The following NRIP3 variants were observed in gnomAD, a reference collection of about 807,000 sequenced individuals.
NRIP3 encodes nuclear receptor interacting protein 3.
A neutral mutation model predicts 29.0 loss-of-function variants in NRIP3; 31 were observed. The ratio of observed to expected loss-of-function variants is 1.07; its 90% confidence interval spans 0.80 to 1.44. NRIP3 has a LOEUF of 1.44. NRIP3 is among the 40% of genes most tolerant of loss of function. The pLI is 0.00. For synonymous variants in NRIP3, 131 were observed against 118.3 expected (o/e 1.11, Z -0.70); for missense variants, 314 against 297.9 (o/e 1.05, Z -0.40).
intron 3 of NRIP3, among the ~76,000 whole-genome samples, chr11:8,987,033 G>T (rs2134910733): frequency 6.6e-6 from 1 of 152,280 alleles, no homozygotes; most frequent in Non-Finnish European, 1.5e-5. Context: ...ACAAACAAAA[G>T]AAACTACTGG....
intron 1 of NRIP3, among the ~76,000 whole-genome samples, chr11:8,990,244 A>T (rs1854577478): frequency 6.6e-6 from 1 of 152,146 alleles, no homozygotes; most frequent in African/African-American, 2.4e-5. Context: ...TGGTCTTTTT[A>T]AAAAAAGACT....
rs192864621 is a variant in NRIP3 at position 9,003,209 on chromosome 11, T to C, written c.174+553A>G. On this transcript the variant is annotated intron_variant, in intron 1 of 6. Coordinates refer to ENST00000309166, the MANE Select transcript of NRIP3 (RefSeq NM_020645.3). ...TGGGGGTTCAGGAAACCTTCACATT[T>C]GGCCCCTTTTCTCTCTCCCCACTCA... is the stretch of plus-strand genomic sequence containing the variant. Among the ~76,000 whole-genome samples the C allele has an allele frequency of 1.5e-4, 23 of 152,216 alleles. No homozygotes were observed. In the East Asian group the frequency reaches 4.1e-3, roughly 27 times the overall value.
intron 6 of NRIP3, 57 bp downstream of exon 6, chr11:8,983,818 C>G: frequency 7.0e-7 from 1 of 1,424,522 alleles, no homozygotes; most frequent in Non-Finnish European, 9.9e-7. Flanking sequence ...CACCACCACC[C>G]TGCTCGCAGC....
chr11:9,001,054 G>A (rs1854786035), intron 1 of NRIP3, among the ~76,000 whole-genome samples: 1 of 152,050 alleles, frequency 6.6e-6, no homozygotes, highest in South Asian at 2.1e-4. Context: ...GCAATAGAGT[G>A]AGAACCCGTC....
At chr11:9,001,579 T>G (rs1340566968) in intron 1 of NRIP3, among the ~76,000 whole-genome samples, 1 of 152,198 alleles carries the variant, frequency 6.6e-6, no homozygotes, top group East Asian at 1.9e-4. Flanking sequence ...TTCAATTAAT[T>G]TTAACATCCT....
At position 9,003,989 on chromosome 11, in the gene NRIP3, G is replaced by A. The variant is rs1203888950; in HGVS notation, c.-54C>T. The stretch of plus-strand genomic sequence containing the variant: ...ACAGCCCCCCGGCAGCCTCAGCCTC[G>A]AGCTCCTCCAGCGCCGCAAGGGCCC... On this transcript the variant is annotated 5_prime_UTR_variant, in exon 1 of 7. Coordinates refer to ENST00000309166, the MANE Select transcript of NRIP3 (RefSeq NM_020645.3). The A allele has an allele frequency of 2.8e-6, 4 of 1,416,630 alleles. No homozygotes were observed. Among genetic ancestry groups the A allele is most frequent in the Non-Finnish European group, 3.7e-6 (4 of 1,079,236 alleles). The allele number at this position is 1,416,630 out of a possible 1,614,324, so 87.8% of individuals were successfully genotyped here. A position where few individuals can be genotyped will look rare whatever the true frequency, so the allele number is the denominator to read the frequency against.
chr11:8,987,547 C>T lies in NRIP3; in HGVS notation c.422+1G>A, dbSNP rs1854537439. ...TCCACTCAGCACAAGTGCCTACTTA[C>T]CCCAATCTGTCCACACAGGCCAAAG... is the stretch of plus-strand genomic sequence containing the variant. On this transcript the variant is annotated splice_donor_variant, in intron 3 of 6. Coordinates refer to ENST00000309166, the MANE Select transcript of NRIP3 (RefSeq NM_020645.3). LOFTEE classifies it high-confidence loss of function. The T allele has an allele frequency of 1.9e-6, 3 of 1,611,196 alleles. No homozygotes were observed. The highest frequency in any genetic ancestry group is 1.7e-5 in the Admixed American group (1 of 60,016).
At chr11:8,995,465 T>A (rs1179936486) in intron 1 of NRIP3, among the ~76,000 whole-genome samples, 4 of 152,184 alleles carry the variant, frequency 2.6e-5, no homozygotes, top group Non-Finnish European at 5.9e-5. Flanking sequence ...CCACCATACA[T>A]CCATTCTTGA....
intron 4 of NRIP3, among the ~76,000 whole-genome samples, chr11:8,985,487 A>T (rs200100372): frequency 6.6e-6 from 1 of 151,262 alleles, no homozygotes. Context: ...TTTTTATCTG[A>T]CCACATTTGT....
rs10701323 is a variant in NRIP3, at chr11:9,002,596, TAAAAAAAAAAAAAA to T, written c.174+1152_174+1165del. Reference sequence around the variant, plus strand: ...CTGTGTATCATTAGAGCTGTTAAATTAAAAAAAAAAAAAAAAAAAAAAGGAAATGGATGCAGAAG... The same window carrying T: ...CTGTGTATCATTAGAGCTGTTAAATTAAAAAAAAGGAAATGGATGCAGAAG... On this transcript the variant is annotated intron_variant, in intron 1 of 6. Coordinates refer to ENST00000309166, the MANE Select transcript of NRIP3 (RefSeq NM_020645.3). 5.9e-4 allele frequency among the ~76,000 whole-genome samples: 60 copies of T among 101,248 alleles called. 2 individuals are homozygous for T. The highest frequency in any genetic ancestry group is 2.3e-3 in the African/African-American group (58 of 25,410). The allele number at this position is 101,248 out of a possible 152,430, so 66.4% of individuals were successfully genotyped here. A position where few individuals can be genotyped will look rare whatever the true frequency, so the allele number is the denominator to read the frequency against.
At chr11:8,983,680 C>A in intron 6 of NRIP3, 120 bp from the exon 7 acceptor site, 1 of 972,592 alleles carries the variant, frequency 1.0e-6, no homozygotes, top group East Asian at 2.5e-5. Context: ...GTGGCATCAC[C>A]ATTGCTCATT....
At chr11:8,992,251 G>A (rs577782037) in intron 1 of NRIP3, among the ~76,000 whole-genome samples, 12 of 152,292 alleles carry the variant, frequency 7.9e-5, no homozygotes, top group African/African-American at 2.9e-4. Context: ...CTGGAGAACT[G>A]AGGAGAATGC....
intron 1 of NRIP3, among the ~76,000 whole-genome samples, chr11:9,000,659 A>G (rs139517741): frequency 1.3e-4 from 20 of 152,340 alleles, no homozygotes; most frequent in African/African-American, 3.6e-4. Context: ...TAAAAATTAA[A>G]AAGTCCTTAG....
chr11:8,992,780 G>T (rs1241116447), intron 1 of NRIP3, among the ~76,000 whole-genome samples: 1 of 152,072 alleles, frequency 6.6e-6, no homozygotes, highest in Non-Finnish European at 1.5e-5. Context: ...CGGGCGTGGT[G>T]GTGGGTGCCT....
chr11:8,986,142 C>T (rs905330870), intron 3 of NRIP3, among the ~76,000 whole-genome samples: 7 of 152,228 alleles, frequency 4.6e-5, no homozygotes, highest in African/African-American at 1.4e-4. Context: ...CTGTATCCTA[C>T]TATCCCCACT....
chr11:8,999,624 C>T (rs1023443691), intron 1 of NRIP3, among the ~76,000 whole-genome samples: 1 of 152,190 alleles, frequency 6.6e-6, no homozygotes, highest in African/African-American at 2.4e-5. Context: ...CCTCCTACTA[C>T]ATCTCTGATG....
chr11:8,988,058 G>A (rs1252091228), intron 2 of NRIP3, 60 bp downstream of exon 2: 2 of 1,526,256 alleles, frequency 1.3e-6, no homozygotes, highest in African/African-American at 1.4e-5. Context: ...AAGTCAGGAG[G>A]AGAGGGCCCC....
Position 8,980,642 on chromosome 11 carries a change from C to G in NRIP3, c.*2903G>C, listed in dbSNP as rs140740418. The G allele has an allele frequency of 4.4e-3, 674 of 151,964 alleles. 3 individuals carry two copies. Among genetic ancestry groups the G allele is most frequent in the Non-Finnish European group, 6.1e-3 (418 of 68,032 alleles). 9.4% of individuals were successfully genotyped at this position (151,964 alleles called of 1,614,324 possible). ...AATGAACCCAACACAGCCAGAAACA[C>G]TGAAAGGATAAAGTGCCAATGCAGA... On this transcript the variant is annotated 3_prime_UTR_variant, in exon 7 of 7. Coordinates refer to ENST00000309166, the MANE Select transcript of NRIP3 (RefSeq NM_020645.3).
intron 1 of NRIP3, among the ~76,000 whole-genome samples, chr11:9,001,501 C>A (rs1422411534): frequency 2.0e-5 from 3 of 152,170 alleles, no homozygotes; most frequent in African/African-American, 4.8e-5. Flanking sequence ...CCCTCTGATG[C>A]TATCCTCTCC....
Sources: gnomAD v4.1 joint callset for allele counts (sites outside exome capture counted in the v4.1 genomes callset) on GRCh38, gnomAD v4.1.1 for gene constraint, MANE v1.5 for transcripts, NCBI Gene and HGNC (gene_info 2026-07-23, HGNC 2026-07-21) for gene names.